The following FOXP1 variants were observed in gnomAD, a reference collection of about 807,000 sequenced individuals.
FOXP1 encodes forkhead box protein P1.
In FOXP1, 15 loss-of-function variants were observed where a neutral mutation model predicts 98.2. The ratio of observed to expected loss-of-function variants is 0.15; its 90% confidence interval spans 0.10 to 0.24. FOXP1 has a LOEUF of 0.24. Among genes scored for constraint, FOXP1 ranks in the 10% least tolerant of loss-of-function variants. FOXP1 has a pLI of 1.00. For synonymous variants in FOXP1, 371 were observed against 314.5 expected, an observed-to-expected ratio of 1.18 and a Z score of -1.90; for missense variants, 633 against 848.5, an observed-to-expected ratio of 0.75 and a Z score of 3.15.
chr3:71,131,255 T>C lies in FOXP1; in HGVS notation c.181-18618A>G, dbSNP rs1048651400. ...ATGCCTAGCTTGCCTAATGGAACAC[T>C]CCTTAACCCGCCCCAAAATGATTGT... On this transcript the variant is annotated intron_variant, in intron 6 of 20. Transcript: ENST00000649528. Among the ~76,000 whole-genome samples the C allele has an allele frequency of 5.9e-5, 9 of 152,098 alleles. No individual in the cohort carries two copies. The East Asian group carries it at 1.5e-3, about 26-fold the overall frequency.
rs1014637593 is a variant in FOXP1 at position 71,358,381 on chromosome 3, C to T, written c.-73+769G>A. Among the ~76,000 whole-genome samples the T allele has an allele frequency of 2.9e-4, 44 of 152,148 alleles. 2 individuals carry two copies. Among genetic ancestry groups the T allele is most frequent in the Non-Finnish European group, 2.9e-5 (2 of 68,030 alleles). On this transcript the variant is annotated intron_variant, in intron 4 of 20. Transcript: ENST00000649528. ...CCACATTACTCAGAAAATAAGAGAG[C>T]TTTCCCCCACACTCATTTCGCTCAT...
At chr3:71,107,092 G>A (rs2057502915) in intron 7 of FOXP1, among the ~76,000 whole-genome samples, 1 of 152,130 alleles carries the variant, frequency 6.6e-6, no homozygotes, top group Non-Finnish European at 1.5e-5. Context: ...TGGGAATTAT[G>A]AATAAACAAA....
intron 3 of FOXP1, among the ~76,000 whole-genome samples, chr3:71,455,713 A>G (rs1441750644): frequency 6.6e-6 from 1 of 152,166 alleles, no homozygotes; most frequent in Non-Finnish European, 1.5e-5. Flanking sequence ...TAATACGAAG[A>G]GTCAAAATAT....
rs1383904407 is a variant in FOXP1, at chr3:70,956,050, A to G, written c.*3197T>C. The G allele has an allele frequency of 4.3e-6, 1 of 233,096 alleles. No homozygotes were observed. 14.4% of individuals were successfully genotyped at this position (233,096 alleles called of 1,614,324 possible). A position where few individuals can be genotyped will look rare whatever the true frequency, so the allele number is the denominator to read the frequency against. ...CATATTCTGCAATTCCGTTACATAC[A>G]GTAGTTTTTTTTCCAAAGCTATTTT... On this transcript the variant is annotated 3_prime_UTR_variant, in exon 21 of 21. Coordinates refer to ENST00000649528, the MANE Select transcript of FOXP1 (RefSeq NM_001349338.3).
At chr3:71,509,574 C>G (rs561202925) in intron 2 of FOXP1, among the ~76,000 whole-genome samples, 3 of 152,224 alleles carry the variant, frequency 2.0e-5, no homozygotes, top group Admixed American at 1.3e-4. Context: ...CATAATTCAA[C>G]CCACAACAGC....
At chr3:71,349,770 T>G (rs1439250320) in intron 4 of FOXP1, among the ~76,000 whole-genome samples, 5 of 152,186 alleles carry the variant, frequency 3.3e-5, no homozygotes, top group Admixed American at 2.6e-4. Context: ...TGATAACAAG[T>G]AATATTGACA....
At chr3:71,049,116 C>T (rs183707419) in intron 9 of FOXP1, among the ~76,000 whole-genome samples, 1 of 152,094 alleles carries the variant, frequency 6.6e-6, no homozygotes, top group Non-Finnish European at 1.5e-5. Flanking sequence ...AAAAGGTCTC[C>T]GTGCAGTCCC....
intron 5 of FOXP1, 108 bp from the exon 6 acceptor site, chr3:71,198,500 C>T (rs1454959530): frequency 5.2e-6 from 5 of 955,286 alleles, no homozygotes; most frequent in Non-Finnish European, 6.6e-6. Flanking sequence ...TAAATGTTGC[C>T]AAAATCTGTA....
At chr3:70,975,721 G>A (rs999021278) in intron 17 of FOXP1, among the ~76,000 whole-genome samples, 3 of 152,118 alleles carry the variant, frequency 2.0e-5, no homozygotes, top group African/African-American at 7.2e-5. Context: ...AAGAATTCCA[G>A]GTAGTAAAAA....
At chr3:71,281,313 G>A (rs900299589) in intron 5 of FOXP1, among the ~76,000 whole-genome samples, 1 of 151,986 alleles carries the variant, frequency 6.6e-6, no homozygotes, top group Admixed American at 6.6e-5. Context: ...CCAACCATGT[G>A]CGCGTGCACA....
intron 3 of FOXP1, among the ~76,000 whole-genome samples, chr3:71,401,877 G>A (rs946438539): frequency 1.2e-4 from 19 of 152,148 alleles, no homozygotes; most frequent in Non-Finnish European, 2.4e-4. Context: ...CCAGGCAGCC[G>A]TTACTTCCTC....
chr3:71,124,811 CATAAGAGAATATATTTTCTCA>C (rs2059044074), intron 6 of FOXP1, among the ~76,000 whole-genome samples: 1 of 152,200 alleles, frequency 6.6e-6, no homozygotes, highest in African/African-American at 2.4e-5. Flanking sequence ...TGCCCCCAGG[CATAAGAGAATATATTTTCTCA>C]ATGGAAAGCA....
chr3:71,226,127 T>C (rs1434249715), intron 5 of FOXP1, among the ~76,000 whole-genome samples: 2 of 152,224 alleles, frequency 1.3e-5, no homozygotes, highest in East Asian at 3.8e-4. Flanking sequence ...ATCAAGGGCA[T>C]GGGCACTTTT....
intron 4 of FOXP1, among the ~76,000 whole-genome samples, chr3:71,317,044 C>T (rs1433881745): frequency 1.3e-5 from 2 of 152,094 alleles, no homozygotes; most frequent in Admixed American, 1.3e-4. Context: ...ATCCTCAGCT[C>T]AGAGGGAACC....
At chr3:71,067,548 C>T (rs1000063210) in intron 7 of FOXP1, among the ~76,000 whole-genome samples, 4 of 151,978 alleles carry the variant, frequency 2.6e-5, no homozygotes, top group Admixed American at 1.3e-4. Flanking sequence ...AAATTCCAGC[C>T]CTCATTGTAC....
chr3:71,303,885 A>G (rs937990061), intron 4 of FOXP1, among the ~76,000 whole-genome samples: 1 of 152,184 alleles, frequency 6.6e-6, no homozygotes, highest in African/African-American at 2.4e-5. Context: ...AAGAAAAGGA[A>G]GGAAGAAGCT....
intron 3 of FOXP1, among the ~76,000 whole-genome samples, chr3:71,444,267 C>T (rs564345431): frequency 6.6e-6 from 1 of 152,308 alleles, no homozygotes; most frequent in Non-Finnish European, 1.5e-5. Flanking sequence ...CCTCTCGTCC[C>T]ACTCCAGGCC....
At chr3:71,082,820 C>T (rs914512394) in intron 7 of FOXP1, among the ~76,000 whole-genome samples, 4 of 152,110 alleles carry the variant, frequency 2.6e-5, no homozygotes, top group Non-Finnish European at 4.4e-5. Flanking sequence ...GATTAAACGT[C>T]GAATTGTCCA....
chr3:71,299,508 G>A (rs1381528745), intron 5 of FOXP1, among the ~76,000 whole-genome samples: 1 of 152,154 alleles, frequency 6.6e-6, no homozygotes, highest in Non-Finnish European at 1.5e-5. Context: ...TTTGTGATGT[G>A]AATATTCCTT....
Sources: allele counts gnomAD v4.1 joint callset (sites outside exome capture counted in the v4.1 genomes callset), GRCh38; gene constraint gnomAD v4.1.1; transcripts MANE v1.5; gene names NCBI Gene and HGNC (gene_info 2026-07-23, HGNC 2026-07-21).